PLEKHG4B: variants seen among roughly 807,000 people sequenced by gnomAD.
PLEKHG4B encodes the protein pleckstrin homology and RhoGEF domain containing G4B, also known as pleckstrin homology domain-containing family G member 4B.
PLEKHG4B carries 111 observed loss-of-function variants against 121.3 expected under a neutral mutation model. The ratio of observed to expected loss-of-function variants is 0.92; its 90% CI spans 0.78 to 1.07. The LOEUF is 1.07. PLEKHG4B is among the 50% of genes least tolerant of loss of function. The pLI, the probability that PLEKHG4B is intolerant of heterozygous loss-of-function variation, is 0.00. For missense variants in PLEKHG4B, 1,831 were observed against 1,757.8 expected, an observed-to-expected ratio of 1.04 and a Z score of -0.74; for synonymous variants, 738 against 725.0, an observed-to-expected ratio of 1.02 and a Z score of -0.29.
At chr5:134,720 C>G (rs534248301) in intron 2 of PLEKHG4B, among the ~76,000 whole-genome samples, 1 of 149,668 alleles carries the variant, frequency 6.7e-6, no homozygotes, top group Non-Finnish European at 1.5e-5. Flanking sequence ...CAGCTGAGAT[C>G]GTGCCACTGC....
chr5:154,674 G>C lies in PLEKHG4B; in HGVS notation c.1993-201G>C, dbSNP rs7707462. ...CTTCACTGAGGCCTTTCCTTCACTT[G>C]TCTTAGCTCCCTTCTTTCCCGTCTT... On this transcript the variant is annotated intron_variant, in intron 7 of 19. Coordinates refer to ENST00000637938, the MANE Select transcript of PLEKHG4B (RefSeq NM_052909.5). Among the ~76,000 whole-genome samples the C allele has an allele frequency of 0.28, 34,774 of 125,512 alleles. 6,778 individuals are homozygous for C. The highest frequency in any genetic ancestry group is 0.58 in the African/African-American group (21,317 of 36,888). 82.3% of individuals were successfully genotyped at this position (125,512 alleles called of 152,430 possible).
At position 181,450 on chromosome 5, in the gene PLEKHG4B, C is replaced by T. The variant is rs185083306; in HGVS notation, c.4403-64C>T. 5.0e-5 allele frequency: 76 copies of T among 1,531,214 alleles called. 1 individual carries two copies. The highest frequency in any genetic ancestry group is 6.8e-5 in the African/African-American group (5 of 73,036). 94.9% of individuals were successfully genotyped at this position (1,531,214 alleles called of 1,614,324 possible). On this transcript the variant is annotated intron_variant, in intron 18 of 19. Coordinates refer to ENST00000637938, the MANE Select transcript of PLEKHG4B (RefSeq NM_052909.5). Reference sequence around the variant, plus strand: ...GGCTGAGGGCATTAGGGGTACCGGGCGTCTTTGGGGTGGCATTAGCCCCCG... The same window carrying T: ...GGCTGAGGGCATTAGGGGTACCGGGTGTCTTTGGGGTGGCATTAGCCCCCG...
rs1204662665 is a variant in PLEKHG4B at position 157,975 on chromosome 5, T to C, written c.2487+1064T>C. Among the ~76,000 whole-genome samples the C allele has an allele frequency of 1.2e-4, 19 of 152,082 alleles. No homozygotes were observed. The highest frequency in any genetic ancestry group is 1.5e-5 in the Non-Finnish European group (1 of 68,000). ...CAGGGACGCGAGGCACTGTGCATGC[T>C]CCTGGCCTCCCCACGACTGACCCCA... On this transcript the variant is annotated intron_variant, in intron 11 of 19. Coordinates refer to ENST00000637938, the MANE Select transcript of PLEKHG4B (RefSeq NM_052909.5). This position sits in a 1 kb window ranked among gnomAD's most constrained non-coding sequence, Gnocchi z 4.6.
At chr5:160,495 A>G (rs992007445) in intron 11 of PLEKHG4B, among the ~76,000 whole-genome samples, 1 of 152,062 alleles carries the variant, frequency 6.6e-6, no homozygotes, top group Non-Finnish European at 1.5e-5. Flanking sequence ...CAGATTTTCT[A>G]TGCGACAGCT....
Position 143,184 on chromosome 5 carries a change from C to T in PLEKHG4B, c.1615C>T (p.Pro539Ser), listed in dbSNP as rs1220796653. ...GTGGCCACCCGGCACAGGAGACTTCCCCAGCCAGGTGCCCAAGCAGGTGCT... is the reference window on the plus strand; with the variant it reads ...GTGGCCACCCGGCACAGGAGACTTCTCCAGCCAGGTGCCCAAGCAGGTGCT... Reference protein sequence around the residue: ...EGWPPGTGDFPSQVPKQVLDV... With the variant: ...EGWPPGTGDFSSQVPKQVLDV... The change falls in exon 4 of 20, where the codon CCC (proline) becomes TCC (serine). Residue 539 changes from proline (P) to serine (S), a missense_variant. By Grantham distance (74) the Pro-to-Ser change is moderately conservative (BLOSUM62 -1). Coordinates refer to ENST00000637938, the MANE Select transcript of PLEKHG4B (RefSeq NM_052909.5). 8 of 1,611,884 alleles carry T rather than the reference C, an allele frequency of 5.0e-6. No homozygotes were observed. The highest frequency in any genetic ancestry group is 6.8e-6 in the Non-Finnish European group (8 of 1,180,004).
intron 14 of PLEKHG4B, 28 bp from the exon 15 acceptor site, chr5:171,015 A>T (rs1419995248): frequency 6.3e-7 from 1 of 1,583,614 alleles, no homozygotes; most frequent in Non-Finnish European, 8.6e-7. Flanking sequence ...TCACTCCCAC[A>T]GCCAAGCAGT....
chr5:161,097 C>T (rs1047406021), intron 11 of PLEKHG4B, among the ~76,000 whole-genome samples: 3 of 152,172 alleles, frequency 2.0e-5, no homozygotes, highest in South Asian at 2.1e-4. Context: ...TGCTGTTTAA[C>T]GACAACATGA....
intron 5 of PLEKHG4B, 125 bp downstream of exon 5, chr5:143,628 C>T: frequency 3.3e-6 from 4 of 1,212,772 alleles, no homozygotes; most frequent in East Asian, 2.4e-5. Flanking sequence ...CTAACCTCAT[C>T]TTTCAGAGCA....
chr5:171,900 G>A (rs1231068771), intron 16 of PLEKHG4B, among the ~76,000 whole-genome samples: 3 of 152,242 alleles, frequency 2.0e-5, no homozygotes, highest in East Asian at 1.9e-4. Context: ...GCTGCTGCCC[G>A]CGACCGGCTG....
intron 13 of PLEKHG4B, 113 bp from the exon 14 acceptor site, chr5:169,227 G>A: frequency 6.2e-6 from 9 of 1,446,664 alleles, no homozygotes; most frequent in Non-Finnish European, 8.5e-6. Context: ...CAGTCCACAT[G>A]TGACCCTGCT....
chr5:153,646 G>T (rs1458763794), intron 7 of PLEKHG4B, among the ~76,000 whole-genome samples: 1 of 152,068 alleles, frequency 6.6e-6, no homozygotes, highest in African/African-American at 2.4e-5. Context: ...CTTTCTTCAG[G>T]CAAGAAAGAT....
In PLEKHG4B at chr5:163,053, C is replaced by T; in HGVS notation, c.2981C>T (p.Pro994Leu). The T allele has an allele frequency of 6.4e-7, 1 of 1,559,934 alleles. No individual in the cohort carries two copies. Among genetic ancestry groups the T allele is most frequent in the South Asian group, 1.2e-5 (1 of 85,206 alleles). The change falls in exon 13 of 20, where the codon CCC becomes CTC. Residue 994 changes from proline to leucine, a missense_variant. By Grantham distance (98) the Pro-to-Leu change is moderately conservative. Transcript: ENST00000637938. The part of the protein sequence containing the change: ...MRRHQKPPSF[P>L]STDSGGGAWE... ...AGGCACCAGAAGCCACCCTCATTCC[C>T]CAGCACGGACAGTGGGGGTGGTGCC... is the stretch of plus-strand genomic sequence containing the variant.
intron 6 of PLEKHG4B, among the ~76,000 whole-genome samples, chr5:150,105 G>GCAT (rs1735556646): frequency 1.3e-5 from 2 of 152,212 alleles, no homozygotes; most frequent in Non-Finnish European, 2.9e-5. Flanking sequence ...AAACACAGAA[G>GCAT]CAACCTTAGT....
At chr5:116,912 T>C (rs567591708) in intron 2 of PLEKHG4B, among the ~76,000 whole-genome samples, 1 of 152,322 alleles carries the variant, frequency 6.6e-6, no homozygotes, top group African/African-American at 2.4e-5. Context: ...ATTGCAAGGA[T>C]GTTGACTGAT....
intron 16 of PLEKHG4B, 103 bp downstream of exon 16, chr5:171,547 G>GCTGGTGAGAAAGTCTTGGCCCCA: frequency 8.5e-7 from 1 of 1,181,072 alleles, no homozygotes; most frequent in Non-Finnish European, 1.2e-6. Context: ...GTGATGTGCT[G>GCTGGTGAGAAAGTCTTGGCCCCA]GCAGATTTGC....
At chr5:104,090 AAAC>A (rs1400832582) in intron 1 of PLEKHG4B, among the ~76,000 whole-genome samples, 1 of 140,700 alleles carries the variant, frequency 7.1e-6, no homozygotes, top group Non-Finnish European at 1.5e-5. Flanking sequence ...ACCGATTCCT[AAAC>A]AACCACAGCC....
At chr5:133,922 G>GCACA (rs776876090) in intron 2 of PLEKHG4B, among the ~76,000 whole-genome samples, 25 of 140,994 alleles carry the variant, frequency 1.8e-4, no homozygotes, top group African/African-American at 4.9e-4. Flanking sequence ...TGACACACAC[G>GCACA]CACACACACA....
At chr5:126,433 T>C (rs1560910912) in intron 2 of PLEKHG4B, among the ~76,000 whole-genome samples, 1 of 152,332 alleles carries the variant, frequency 6.6e-6, no homozygotes, top group South Asian at 2.1e-4. Flanking sequence ...TTTATTTTCT[T>C]CACATCTTTC....
rs34972342 is a variant in PLEKHG4B, at chr5:109,397, CAAAAAAA to C, written c.46-3836_46-3830del. Among the ~76,000 whole-genome samples the C allele has an allele frequency of 7.8e-4, 48 of 61,828 alleles. 1 individual carries two copies. The highest frequency in any genetic ancestry group is 1.9e-3 in the African/African-American group (25 of 12,984). The allele number at this position is 61,828 out of a possible 152,430, so 40.6% of individuals were successfully genotyped here. ...GGGTGACAGGGCAAGACTCTGTCTC[CAAAAAAA>C]AAAAAAAAAAAAAAAAATCCAGCCA... On this transcript the variant is annotated intron_variant, in intron 1 of 19. Transcript: ENST00000637938.
Sources: allele counts gnomAD v4.1 joint callset (sites outside exome capture counted in the v4.1 genomes callset), GRCh38; gene constraint gnomAD v4.1.1; non-coding constraint Gnocchi (gnomAD v3.1); transcripts MANE v1.5; gene names NCBI Gene and HGNC (gene_info 2026-07-23, HGNC 2026-07-21).